LMNB1: variants seen among roughly 807,000 people sequenced by gnomAD.
LMNB1 encodes lamin B1.
LMNB1 carries 23 observed loss-of-function variants against 67.1 expected under a neutral mutation model. That is an observed-to-expected ratio of 0.34 (90% CI 0.25 to 0.49). LMNB1 has a LOEUF of 0.49. Among genes scored for constraint, LMNB1 ranks in the 20% least tolerant of loss-of-function variants. The pLI is 0.99. For missense variants in LMNB1, 634 were observed against 746.5 expected (o/e 0.85, Z 1.76); for synonymous variants, 281 against 282.9 (o/e 0.99, Z 0.07).
At chr5:126,790,827 G>T (rs1459722863) in intron 1 of LMNB1, among the ~76,000 whole-genome samples, 1 of 151,690 alleles carries the variant, frequency 6.6e-6, no homozygotes, top group African/African-American at 2.4e-5. Context: ...TCAGGAGTTC[G>T]CAACCAGCCT....
intron 9 of LMNB1, among the ~76,000 whole-genome samples, chr5:126,829,684 T>C (rs1426780399): frequency 2.0e-5 from 3 of 152,046 alleles, no homozygotes; most frequent in Non-Finnish European, 4.4e-5. Context: ...CTTCATCCCC[T>C]GTGAGGCACC....
Position 126,787,907 on chromosome 5 carries a change from G to A in LMNB1, c.359+10040G>A, listed in dbSNP as rs1052522420. 6.6e-5 allele frequency among the ~76,000 whole-genome samples: 10 copies of A among 151,918 alleles called. No homozygotes were observed. The South Asian group carries it at 1.9e-3, about 28-fold the overall frequency. On this transcript the variant is annotated intron_variant, in intron 1 of 10. Transcript: ENST00000261366. ...GGTGGGGAAGGGGATTGTATTTTTA[G>A]TAATGAGTGGACCCAAGATTTTAAG...
At chr5:126,786,066 CA>C (rs1750772491) in intron 1 of LMNB1, among the ~76,000 whole-genome samples, 1 of 148,406 alleles carries the variant, frequency 6.7e-6, no homozygotes, top group African/African-American at 2.5e-5. Context: ...TATTTTGTGC[CA>C]ATTCTGTTTG....
At position 126,787,541 on chromosome 5, in the gene LMNB1, TATA is replaced by T. The variant is rs1191905546; in HGVS notation, c.359+9675_359+9677del. On this transcript the variant is annotated intron_variant, in intron 1 of 10. Transcript: ENST00000261366. Reference sequence around the variant, plus strand: ...GTGTGGGGGTATATATATATATATATATATATTTTTTTTTTTTTTTTTTGAGAT... The same window carrying T: ...GTGTGGGGGTATATATATATATATATTATTTTTTTTTTTTTTTTTTGAGAT... Among the ~76,000 whole-genome samples, 134 of 63,872 alleles carry T rather than the reference TATA, an allele frequency of 2.1e-3. 4 individuals are homozygous for T. Among genetic ancestry groups the T allele is most frequent in the South Asian group, 7.7e-3 (13 of 1,684 alleles). 41.9% of individuals were successfully genotyped at this position (63,872 alleles called of 152,430 possible).
intron 5 of LMNB1, 99 bp from the exon 6 acceptor site, chr5:126,818,823 G>T: frequency 1.2e-6 from 1 of 837,692 alleles, no homozygotes; most frequent in Non-Finnish European, 2.0e-6. Context: ...ATTCCATAGG[G>T]TTGTACTGTT....
At chr5:126,799,260 C>A (rs1297950426) in intron 1 of LMNB1, among the ~76,000 whole-genome samples, 7 of 152,196 alleles carry the variant, frequency 4.6e-5, no homozygotes, top group Admixed American at 4.6e-4. Flanking sequence ...CCTCGTGATC[C>A]GCCTGCCTCC....
intron 3 of LMNB1, among the ~76,000 whole-genome samples, chr5:126,807,937 T>C (rs1345499283): frequency 6.6e-6 from 1 of 152,038 alleles, no homozygotes; most frequent in Non-Finnish European, 1.5e-5. Flanking sequence ...AGTAGTACGA[T>C]CTTGGCTCAC....
rs61232506 is a variant in LMNB1 at position 126,804,238 on chromosome 5, C to CTTTT, written c.360-521_360-518dup. 1.9e-3 allele frequency among the ~76,000 whole-genome samples: 197 copies of CTTTT among 101,106 alleles called. 1 individual carries two copies. Among genetic ancestry groups the CTTTT allele is most frequent in the South Asian group, 2.9e-3 (8 of 2,734 alleles). 66.3% of individuals were successfully genotyped at this position (101,106 alleles called of 152,430 possible). On this transcript the variant is annotated intron_variant, in intron 1 of 10. Coordinates refer to ENST00000261366, the MANE Select transcript of LMNB1 (RefSeq NM_005573.4). ...CAAATGTGTGCCACTGTGCCAGGCT[C>CTTTT]TTTTTTTTTTTTTTTTTTTTGTAGA...
intron 1 of LMNB1, among the ~76,000 whole-genome samples, chr5:126,797,135 A>G (rs1299209088): frequency 6.6e-6 from 1 of 152,182 alleles, no homozygotes; most frequent in African/African-American, 2.4e-5. Context: ...ACACCTGGTT[A>G]CTTGTTAGAC....
chr5:126,781,253 G>A (rs1053207352), intron 1 of LMNB1, among the ~76,000 whole-genome samples: 15 of 151,460 alleles, frequency 9.9e-5, no homozygotes, highest in Non-Finnish European at 1.9e-4. Context: ...TCACACCACC[G>A]CACTCCATCC....
intron 1 of LMNB1, among the ~76,000 whole-genome samples, chr5:126,787,524 G>GTATATATATATATATATA (rs1179342923): frequency 3.7e-4 from 32 of 87,654 alleles, no homozygotes; most frequent in African/African-American, 1.4e-3. Flanking sequence ...GTGTGTGGGG[G>GTATATATATATATATATA]TATATATATA....
intron 1 of LMNB1, among the ~76,000 whole-genome samples, chr5:126,797,908 T>C (rs1465841711): frequency 6.6e-6 from 1 of 152,096 alleles, no homozygotes; most frequent in Non-Finnish European, 1.5e-5. Flanking sequence ...AAACCCTGTC[T>C]TCCCATCTGC....
chr5:126,790,391 C>T (rs1042673302), intron 1 of LMNB1, among the ~76,000 whole-genome samples: 1 of 152,118 alleles, frequency 6.6e-6, no homozygotes, highest in African/African-American at 2.4e-5. Context: ...CAGATGTAAG[C>T]CACCACATCT....
intron 9 of LMNB1, among the ~76,000 whole-genome samples, chr5:126,827,014 T>G (rs1192427320): frequency 1.3e-5 from 2 of 152,242 alleles, no homozygotes; most frequent in African/African-American, 2.4e-5. Context: ...TGTTCTGACA[T>G]GCTTACTGAT....
At chr5:126,801,989 G>C (rs1314235237) in intron 1 of LMNB1, among the ~76,000 whole-genome samples, 2 of 152,228 alleles carry the variant, frequency 1.3e-5, no homozygotes, top group East Asian at 3.8e-4. Context: ...GGGCAAAATA[G>C]AGACTCCTTC....
intron 9 of LMNB1, among the ~76,000 whole-genome samples, 189 bp from the exon 10 acceptor site, chr5:126,832,505 G>A (rs1752158854): frequency 6.6e-6 from 1 of 151,956 alleles, no homozygotes; most frequent in Admixed American, 6.6e-5. Context: ...TCACCATGTT[G>A]GTCAGGCTGG....
intron 9 of LMNB1, 96 bp from the exon 10 acceptor site, chr5:126,832,598 C>T: frequency 1.2e-6 from 1 of 847,788 alleles, no homozygotes; most frequent in Non-Finnish European, 1.9e-6. Flanking sequence ...CTGCGCCTGG[C>T]AAGAAATGCT....
intron 1 of LMNB1, among the ~76,000 whole-genome samples, chr5:126,788,166 A>T (rs551058935): frequency 1.3e-5 from 2 of 152,272 alleles, no homozygotes; most frequent in East Asian, 3.9e-4. Context: ...ATTGCTCTTA[A>T]CCGAAATTGG....
Position 126,836,840 on chromosome 5 carries a change from A to C in LMNB1, c.*576A>C. On this transcript the variant is annotated 3_prime_UTR_variant, in exon 11 of 11. Transcript: ENST00000261366. ...GCACTCTGGATGATGGATTCCACAA[A>C]ACTTGGTTTTATGGTTACTTCTTCT... The C allele has an allele frequency of 3.3e-6, 1 of 306,678 alleles. No individual in the cohort carries two copies. The highest frequency in any genetic ancestry group is 5.8e-6 in the Non-Finnish European group (1 of 172,470). 19.0% of individuals were successfully genotyped at this position (306,678 alleles called of 1,614,324 possible). A position where few individuals can be genotyped will look rare whatever the true frequency, so the allele number is the denominator to read the frequency against.
Sources: allele counts gnomAD v4.1 joint callset (sites outside exome capture counted in the v4.1 genomes callset), GRCh38; gene constraint gnomAD v4.1.1; transcripts MANE v1.5; gene names NCBI Gene and HGNC (gene_info 2026-07-23, HGNC 2026-07-21).